MDFIC: variants seen among roughly 807,000 people sequenced by gnomAD.
MDFIC encodes the protein MyoD family inhibitor domain containing, also known as myoD family inhibitor domain-containing protein.
MDFIC carries 17 observed loss-of-function variants against 23.2 expected under a neutral mutation model. The ratio of observed to expected loss-of-function variants is 0.73; its 90% CI spans 0.50 to 1.10. The LOEUF (loss-of-function observed/expected upper bound fraction) is 1.10, where lower values mean the gene tolerates loss of function less well. MDFIC is among the 50% of genes least tolerant of loss of function. The probability of loss-of-function intolerance (pLI) is 0.00; values close to 1 mark genes in which losing one functional copy is unlikely to be tolerated. For synonymous variants in MDFIC, 120 were observed against 115.2 expected, an observed-to-expected ratio of 1.04 and a Z score of -0.27; for missense variants, 356 against 316.6, an observed-to-expected ratio of 1.12 and a Z score of -0.95.
intron 4 of MDFIC, 182 bp downstream of exon 4, chr7:114,979,963 A>C: frequency 4.2e-6 from 3 of 721,558 alleles, no homozygotes; most frequent in Non-Finnish European, 4.8e-6. Flanking sequence ...AAGCAGTGGC[A>C]GCTGACATCC....
chr7:114,926,897 G>A (rs1792202518), intron 2 of MDFIC, among the ~76,000 whole-genome samples: 1 of 152,084 alleles, frequency 6.6e-6, no homozygotes, highest in African/African-American at 2.4e-5. Context: ...GATTAAGGAT[G>A]GCATTTCACA....
intron 4 of MDFIC, among the ~76,000 whole-genome samples, chr7:114,980,575 T>TA (rs5886745): frequency 0.02 from 2,997 of 152,290 alleles, 88 homozygotes; most frequent in African/African-American, 0.068. Flanking sequence ...ATTTCAAAAA[T>TA]AAAAATCTCC....
At chr7:114,963,849 G>A (rs1313264097) in intron 3 of MDFIC, among the ~76,000 whole-genome samples, 1 of 152,110 alleles carries the variant, frequency 6.6e-6, no homozygotes, top group Non-Finnish European at 1.5e-5. Flanking sequence ...CAAAGTGCTG[G>A]GATTACAGGT....
At chr7:114,937,026 C>G (rs540010811) in intron 2 of MDFIC, among the ~76,000 whole-genome samples, 32 of 152,022 alleles carry the variant, frequency 2.1e-4, no homozygotes, top group African/African-American at 7.2e-4. Flanking sequence ...AGATTTTTCT[C>G]TCTTGCTAAT....
chr7:115,014,084 C>T, intron 4 of MDFIC: 5 of 985,348 alleles, frequency 5.1e-6, no homozygotes, highest in Non-Finnish European at 6.0e-6. Context: ...CTTTTGAGTA[C>T]TCTCTGACCC....
chr7:114,996,642 C>T (rs1791338066), intron 4 of MDFIC, among the ~76,000 whole-genome samples: 2 of 152,162 alleles, frequency 1.3e-5, no homozygotes, highest in African/African-American at 2.4e-5. Flanking sequence ...GATGAGGTCA[C>T]TGGCAACTGG....
chr7:114,927,325 C>T (rs1271190943), intron 2 of MDFIC, among the ~76,000 whole-genome samples: 11 of 141,810 alleles, frequency 7.8e-5, no homozygotes, highest in African/African-American at 7.7e-5. Flanking sequence ...AAAAACAGTC[C>T]TTTTTTTTTT....
chr7:114,970,838 A>G (rs1380764848), intron 3 of MDFIC, among the ~76,000 whole-genome samples: 1 of 152,202 alleles, frequency 6.6e-6, no homozygotes, highest in African/African-American at 2.4e-5. Flanking sequence ...CTGGCTACCA[A>G]GGCTGTTCCT....
chr7:115,013,993 A>G, intron 4 of MDFIC: 1 of 985,376 alleles, frequency 1.0e-6, no homozygotes, highest in Non-Finnish European at 1.2e-6. Context: ...TGCATGGACC[A>G]TCATATGTAA....
intron 3 of MDFIC, among the ~76,000 whole-genome samples, chr7:114,971,323 C>T (rs1793201517): frequency 6.6e-6 from 1 of 152,160 alleles, no homozygotes; most frequent in Non-Finnish European, 1.5e-5. Context: ...CCTAACTTCA[C>T]ATTTCAACAA....
At chr7:115,003,671 G>T (rs1055591452) in intron 4 of MDFIC, among the ~76,000 whole-genome samples, 12 of 152,156 alleles carry the variant, frequency 7.9e-5, no homozygotes, top group African/African-American at 2.9e-4. Flanking sequence ...ACAAAAATAT[G>T]GAGCCACTGG....
Position 115,003,810 on chromosome 7 carries a change from T to G in MDFIC, c.494-11878T>G, listed in dbSNP as rs74337799. On this transcript the variant is annotated intron_variant, in intron 4 of 4. Coordinates refer to ENST00000393486, the MANE Select transcript of MDFIC (RefSeq NM_001166345.3). ...ACATAACTCAGGAATCACCCTTACT[T>G]TCTCCTTCTACCCTATGTTCTCTCC... 4.7e-3 allele frequency among the ~76,000 whole-genome samples: 719 copies of G among 152,310 alleles called. 4 individuals are homozygous for G. Among genetic ancestry groups the G allele is most frequent in the African/African-American group, 0.016 (651 of 41,586 alleles).
intron 4 of MDFIC, among the ~76,000 whole-genome samples, chr7:114,998,956 G>T (rs1791403001): frequency 6.6e-6 from 1 of 152,118 alleles, no homozygotes; most frequent in Non-Finnish European, 1.5e-5. Flanking sequence ...GATCAAGCCT[G>T]CCACCTCCAG....
At chr7:114,939,046 A>G (rs1792489146) in intron 2 of MDFIC, among the ~76,000 whole-genome samples, 1 of 152,214 alleles carries the variant, frequency 6.6e-6, no homozygotes, top group Non-Finnish European at 1.5e-5. Flanking sequence ...TTATCTATCA[A>G]TAAATCCTGC....
chr7:115,011,517 G>A lies in MDFIC; in HGVS notation c.494-4171G>A, dbSNP rs534979130. On this transcript the variant is annotated intron_variant, in intron 4 of 4. Transcript: ENST00000393486. ...AGTTATAGAAAACAGGTTTTGTTGA[G>A]GAAGATAAGTTAGCAAAGGAGTGTT... is the stretch of plus-strand genomic sequence containing the variant. Among the ~76,000 whole-genome samples the A allele has an allele frequency of 6.6e-5, 10 of 152,112 alleles. No individual in the cohort carries two copies. The South Asian group carries it at 1.7e-3, about 25-fold the overall frequency.
intron 3 of MDFIC, among the ~76,000 whole-genome samples, chr7:114,945,962 T>C (rs1792635613): frequency 6.6e-6 from 1 of 152,214 alleles, no homozygotes; most frequent in African/African-American, 2.4e-5. Context: ...CTTTGGCTTT[T>C]CCCCTCAGAT....
intron 4 of MDFIC, among the ~76,000 whole-genome samples, chr7:114,998,815 G>A (rs1791399514): frequency 6.6e-6 from 1 of 152,014 alleles, no homozygotes; most frequent in Admixed American, 6.6e-5. Flanking sequence ...TGTTAATATT[G>A]GGGGAAAATT....
At chr7:114,937,311 A>G (rs184258460) in intron 2 of MDFIC, among the ~76,000 whole-genome samples, 22 of 152,316 alleles carry the variant, frequency 1.4e-4, no homozygotes, top group African/African-American at 5.3e-4. Context: ...TTGTATTTAA[A>G]TTGATCATTT....
At chr7:114,952,340 T>C (rs906724013) in intron 3 of MDFIC, among the ~76,000 whole-genome samples, 1 of 152,094 alleles carries the variant, frequency 6.6e-6, no homozygotes, top group African/African-American at 2.4e-5. Flanking sequence ...GTACAGCGTG[T>C]AGGGGTCCGT....
Sources: gnomAD v4.1 joint callset for allele counts (sites outside exome capture counted in the v4.1 genomes callset) on GRCh38, gnomAD v4.1.1 for gene constraint, MANE v1.5 for transcripts, NCBI Gene and HGNC (gene_info 2026-07-23, HGNC 2026-07-21) for gene names.